Variants in NAV2 observed in about 807,000 individuals in gnomAD.
NAV2 encodes the protein helicase, APC down-regulated 1.
Under a neutral mutation model 223.2 loss-of-function variants are expected in NAV2, and 54 were observed. The observed-to-expected ratio is 0.24, with a 90% CI of 0.19 to 0.30. The LOEUF (loss-of-function observed/expected upper bound fraction) is 0.30, where lower values mean the gene tolerates loss of function less well. Ranked by LOEUF, NAV2 falls within the 10% of genes least tolerant of loss-of-function variation. The pLI, the probability that NAV2 is intolerant of heterozygous loss-of-function variation, is 1.00. For missense variants in NAV2, 2,806 were observed against 3,147.5 expected, an observed-to-expected ratio of 0.89 and a Z score of 2.60; for synonymous variants, 1,279 against 1,239.3, an observed-to-expected ratio of 1.03 and a Z score of -0.67.
chr11:19,909,548 G>A (rs1429758788), intron 6 of NAV2, among the ~76,000 whole-genome samples: 1 of 152,212 alleles, frequency 6.6e-6, no homozygotes, highest in Non-Finnish European at 1.5e-5. Context: ...CCCTCAGTGA[G>A]CAAAGACCCT....
At chr11:19,587,255 A>C (rs965622217) in intron 1 of NAV2, among the ~76,000 whole-genome samples, 4 of 152,306 alleles carry the variant, frequency 2.6e-5, no homozygotes, top group Admixed American at 1.3e-4. Flanking sequence ...GGAGTGACCC[A>C]GTTTTCCAGG....
intron 1 of NAV2, among the ~76,000 whole-genome samples, chr11:19,438,961 G>T (rs1851305344): frequency 2.0e-5 from 3 of 151,914 alleles, no homozygotes; most frequent in African/African-American, 7.3e-5. Flanking sequence ...TTAGTGATTA[G>T]CTCAATCGCC....
At chr11:20,087,070 G>C (rs966499141) in intron 26 of NAV2, among the ~76,000 whole-genome samples, 1 of 152,168 alleles carries the variant, frequency 6.6e-6, no homozygotes, top group African/African-American at 2.4e-5. Context: ...GGTGCACTCT[G>C]ATATTTGAAG....
chr11:20,111,779 A>G (rs1386928489), intron 36 of NAV2, among the ~76,000 whole-genome samples: 1 of 152,244 alleles, frequency 6.6e-6, no homozygotes, highest in Non-Finnish European at 1.5e-5. Flanking sequence ...TGGGTTCTCC[A>G]TCTATAAATT....
chr11:19,410,539 G>A (rs1281474609), intron 1 of NAV2, among the ~76,000 whole-genome samples: 1 of 152,096 alleles, frequency 6.6e-6, no homozygotes, highest in Non-Finnish European at 1.5e-5. Flanking sequence ...TGAACCCAGG[G>A]GATTTGGCTC....
At chr11:19,937,274 A>C (rs2707077) in intron 7 of NAV2, among the ~76,000 whole-genome samples, 58,926 of 151,822 alleles carry the variant, frequency 0.39, 12,706 homozygotes, top group Non-Finnish European at 0.5. Flanking sequence ...AGATTCTATA[A>C]AATGGTTTAT....
intron 10 of NAV2, among the ~76,000 whole-genome samples, chr11:19,975,777 C>G (rs1246641461): frequency 1.3e-5 from 2 of 152,206 alleles, no homozygotes; most frequent in East Asian, 3.9e-4. Flanking sequence ...TGTGTTGAAG[C>G]ATCTGCTCAG....
At chr11:19,654,424 A>G (rs976397655) in intron 1 of NAV2, among the ~76,000 whole-genome samples, 3 of 143,854 alleles carry the variant, frequency 2.1e-5, no homozygotes, top group Non-Finnish European at 4.4e-5. Flanking sequence ...AAAAGAGCCC[A>G]CATTGCCAAG....
chr11:19,712,241 C>G (rs1461239506), upstream of NAV2: 2 of 152,286 alleles, frequency 1.3e-5, no homozygotes, highest in South Asian at 4.1e-4. Context: ...GAGGAGCTGT[C>G]TCGGGGCGGG....
intron 10 of NAV2, among the ~76,000 whole-genome samples, chr11:19,956,292 T>G (rs2047857109): frequency 6.6e-6 from 1 of 152,016 alleles, no homozygotes; most frequent in Non-Finnish European, 1.5e-5. Flanking sequence ...TCGGACACAA[T>G]CTACCTAGAG....
intron 1 of NAV2, among the ~76,000 whole-genome samples, chr11:19,706,409 A>G (rs1408030240): frequency 6.6e-6 from 1 of 152,226 alleles, no homozygotes; most frequent in African/African-American, 2.4e-5. Flanking sequence ...ACAAAATTAA[A>G]TTAATCAACA....
At position 20,062,352 on chromosome 11, in the gene NAV2, A is replaced by G. The variant is rs1160992286; in HGVS notation, c.4877A>G (p.Tyr1626Cys). 5.6e-6 allele frequency: 9 copies of G among 1,610,456 alleles called. No homozygotes were observed. Among genetic ancestry groups the G allele is most frequent in the Non-Finnish European group, 6.8e-6 (8 of 1,178,154 alleles). ...LSLVSSTSSV[Y>C]STPEEKCQSE... ...TTGGTTTCCAGCACATCGTCAGTTT[A>G]TTCTACAGTGAGTATAAATCAATGC... is the stretch of plus-strand genomic sequence containing the variant. Residue 1626 changes from tyrosine (Y) to cysteine (C), a missense_variant, in exon 20 of 38, where the codon TAT (tyrosine) becomes TGT (cysteine). Tyr to Cys is a radical substitution (Grantham distance 194). Transcript: ENST00000349880.
At chr11:19,426,144 T>C (rs981157585) in intron 1 of NAV2, among the ~76,000 whole-genome samples, 8 of 152,166 alleles carry the variant, frequency 5.3e-5, no homozygotes, top group African/African-American at 1.9e-4. Flanking sequence ...ATTCTGGGAA[T>C]GTGGGTCTCA....
At position 19,843,520 on chromosome 11, in the gene NAV2, T is replaced by G. The variant is rs557460398; in HGVS notation, c.438+597T>G. On this transcript the variant is annotated intron_variant, in intron 3 of 37. Coordinates refer to ENST00000349880, the MANE Select transcript of NAV2 (RefSeq NM_145117.5). ...CAAAACTAATCTTTTAAAAATCTGT[T>G]CTTTTTCTTATTGCATGTCCTGCAC... Among the ~76,000 whole-genome samples, 7 of 152,356 alleles carry G rather than the reference T, an allele frequency of 4.6e-5. No homozygotes were observed. The East Asian group carries it at 1.3e-3, about 29-fold the overall frequency.
intron 1 of NAV2, among the ~76,000 whole-genome samples, chr11:19,442,203 C>T (rs1851429642): frequency 6.6e-6 from 1 of 152,226 alleles, no homozygotes; most frequent in African/African-American, 2.4e-5. Context: ...CCTGCACTCT[C>T]CCTCCTCCCC....
chr11:20,061,810 G>A (rs940839038), intron 19 of NAV2, among the ~76,000 whole-genome samples: 2 of 152,128 alleles, frequency 1.3e-5, no homozygotes, highest in Non-Finnish European at 2.9e-5. Context: ...AGCCTCTTAG[G>A]TTAAAAATAA....
chr11:19,767,289 C>T (rs1193005295), intron 1 of NAV2, among the ~76,000 whole-genome samples: 2 of 152,176 alleles, frequency 1.3e-5, no homozygotes, highest in East Asian at 3.9e-4. Context: ...AGGGAAAATG[C>T]AGTGATAGTA....
intron 1 of NAV2, among the ~76,000 whole-genome samples, chr11:19,720,974 T>C (rs1290999840): frequency 1.3e-5 from 2 of 152,252 alleles, no homozygotes; most frequent in East Asian, 1.9e-4. Flanking sequence ...CAGGTAATTA[T>C]TGTGAACAAG....
chr11:19,713,275 G>C lies in NAV2; in HGVS notation c.-421G>C. On this transcript the variant is annotated 5_prime_UTR_variant, in exon 1 of 38. Transcript: ENST00000349880. This position sits in a 1 kb window ranked among gnomAD's most constrained non-coding sequence, Gnocchi z 7.2. The stretch of plus-strand genomic sequence containing the variant: ...CGTAGCCTCCGGAACGGGACTCGTG[G>C]GTCGCCGCCGCCTCTGTCTCTTCCA... 2 of 1,009,064 alleles carry C rather than the reference G, an allele frequency of 2.0e-6. No individual in the cohort carries two copies. Among genetic ancestry groups the C allele is most frequent in the Non-Finnish European group, 2.4e-6 (2 of 845,628 alleles). The allele number at this position is 1,009,064 out of a possible 1,614,324, so 62.5% of individuals were successfully genotyped here.
Sources: allele counts gnomAD v4.1 joint callset (sites outside exome capture counted in the v4.1 genomes callset), GRCh38; gene constraint gnomAD v4.1.1; non-coding constraint Gnocchi (gnomAD v3.1); transcripts MANE v1.5; gene names NCBI Gene and HGNC (gene_info 2026-07-23, HGNC 2026-07-21).